KIF6: variants seen among roughly 807,000 people sequenced by gnomAD.
KIF6 encodes kinesin family member 6, also known as kinesin-like protein KIF6.
In KIF6, 106 loss-of-function variants were observed where a neutral mutation model predicts 112.7. The ratio of observed to expected loss-of-function variants is 0.94; its 90% CI spans 0.80 to 1.11. The LOEUF is 1.11. Ranked by LOEUF, KIF6 falls within the 50% of genes least tolerant of loss-of-function variation. KIF6 has a pLI of 0.00. For synonymous variants in KIF6, 339 were observed against 339.9 expected, an observed-to-expected ratio of 1.00 and a Z score of 0.03; for missense variants, 929 against 964.0, an observed-to-expected ratio of 0.96 and a Z score of 0.48.
intron 3 of KIF6, among the ~76,000 whole-genome samples, chr6:39,672,132 A>G (rs1221015147): frequency 3.3e-5 from 5 of 152,214 alleles, no homozygotes; most frequent in Admixed American, 3.3e-4. Flanking sequence ...CTGTGACCAG[A>G]AATACGGTGT....
At chr6:39,488,476 G>T (rs2150471018) in intron 13 of KIF6, among the ~76,000 whole-genome samples, 1 of 152,328 alleles carries the variant, frequency 6.6e-6, no homozygotes, top group Non-Finnish European at 1.5e-5. Flanking sequence ...TGGCAGAGAT[G>T]CCCTTTTCTC....
intron 13 of KIF6, among the ~76,000 whole-genome samples, chr6:39,443,726 G>A (rs897692399): frequency 6.6e-6 from 1 of 152,048 alleles, no homozygotes; most frequent in Non-Finnish European, 1.5e-5. Flanking sequence ...TTATAGGTGT[G>A]AGCCACCATG....
At chr6:39,468,175 GA>G (rs372941602) in intron 13 of KIF6, among the ~76,000 whole-genome samples, 12 of 142,924 alleles carry the variant, frequency 8.4e-5, no homozygotes, top group African/African-American at 1.8e-4. Flanking sequence ...GAAGAGCAAA[GA>G]AAAAAAAAAG....
chr6:39,496,968 A>G (rs1332970533), intron 13 of KIF6, among the ~76,000 whole-genome samples: 1 of 152,240 alleles, frequency 6.6e-6, no homozygotes, highest in Non-Finnish European at 1.5e-5. Context: ...TGGGTCACAA[A>G]AGAAAGATTC....
intron 14 of KIF6, among the ~76,000 whole-genome samples, chr6:39,423,480 C>T (rs1770529124): frequency 6.6e-6 from 1 of 152,072 alleles, no homozygotes; most frequent in East Asian, 1.9e-4. Context: ...TTCCCTACTC[C>T]CTGTAGGCAT....
intron 10 of KIF6, among the ~76,000 whole-genome samples, chr6:39,576,132 A>AT (rs968542285): frequency 1.2e-4 from 18 of 151,246 alleles, no homozygotes; most frequent in African/African-American, 1.7e-4. Flanking sequence ...ACTGGTACTG[A>AT]TTTTTTTTTC....
intron 15 of KIF6, among the ~76,000 whole-genome samples, chr6:39,399,475 G>A (rs867702759): frequency 5.9e-5 from 9 of 152,198 alleles, no homozygotes; most frequent in Non-Finnish European, 1.3e-4. Context: ...ATTGAGAAAC[G>A]CTGCTTTTGA....
At chr6:39,654,601 A>G (rs1461869251) in intron 3 of KIF6, among the ~76,000 whole-genome samples, 3 of 152,238 alleles carry the variant, frequency 2.0e-5, no homozygotes, top group Non-Finnish European at 4.4e-5. Context: ...ATGAATTAAC[A>G]AATGCTTGTT....
At position 39,644,579 on chromosome 6, in the gene KIF6, T is replaced by G. The variant is rs530568943; in HGVS notation, c.252-4822A>C. On this transcript the variant is annotated intron_variant, in intron 3 of 22. Coordinates refer to ENST00000287152, the MANE Select transcript of KIF6 (RefSeq NM_145027.6). ...GTCAAAAAAGATGATATATTGTGAT[T>G]CTATTTCTAGAAAATGTTCAGGATA... is the stretch of plus-strand genomic sequence containing the variant. Among the ~76,000 whole-genome samples, 33 of 152,236 alleles carry G rather than the reference T, an allele frequency of 2.2e-4. No individual in the cohort carries two copies. The South Asian group carries it at 6.4e-3, about 30-fold the overall frequency.
Position 39,336,492 on chromosome 6 carries a change from T to C in KIF6, c.*40A>G, listed in dbSNP as rs1427293635. 4 of 1,606,714 alleles carry C rather than the reference T, an allele frequency of 2.5e-6. No individual in the cohort carries two copies. Among genetic ancestry groups the C allele is most frequent in the Admixed American group, 1.7e-5 (1 of 59,974 alleles). On this transcript the variant is annotated 3_prime_UTR_variant, in exon 23 of 23. Transcript: ENST00000287152. ...GGCGCTGCCTTCATCTGTGCTTCAT[T>C]CTTGCTGGCATAATTCATGGATGGA...
At chr6:39,583,702 TTTTTTTTTA>T in intron 9 of KIF6, among the ~76,000 whole-genome samples, 2 of 111,520 alleles carry the variant, frequency 1.8e-5, no homozygotes, top group African/African-American at 7.7e-5. Context: ...TTTTTTTTTT[TTTTTTTTTA>T]CAGTGCAGAT....
At position 39,342,600 on chromosome 6, in the gene KIF6, TATTTTTTTTTATTTTTTTTTA is replaced by T. The variant is rs1218453073; in HGVS notation, c.2428+1088_2428+1108del. 1.5e-3 allele frequency among the ~76,000 whole-genome samples: 204 copies of T among 137,586 alleles called. 25 individuals are homozygous for T. Among genetic ancestry groups the T allele is most frequent in the African/African-American group, 5.9e-3 (197 of 33,450 alleles). The allele number at this position is 137,586 out of a possible 152,430, so 90.3% of individuals were successfully genotyped here. ...TTGGAGATCACTGAATCCAGTTTTT[TATTTTTTTTTATTTTTTTTTA>T]TTTTTTTTTATTTTTAGACAAGGAA... On this transcript the variant is annotated intron_variant, in intron 22 of 22. Coordinates refer to ENST00000287152, the MANE Select transcript of KIF6 (RefSeq NM_145027.6). The surrounding 1 kb of genome is among the most constrained non-coding windows in gnomAD (Gnocchi z 4.7).
intron 14 of KIF6, among the ~76,000 whole-genome samples, chr6:39,426,023 AT>A (rs761478808): frequency 2.3e-4 from 35 of 152,214 alleles, no homozygotes; most frequent in Non-Finnish European, 4.1e-4. Flanking sequence ...CAACACCTTC[AT>A]TTCCAATAGC....
intron 13 of KIF6, among the ~76,000 whole-genome samples, chr6:39,463,437 A>G (rs952836284): frequency 8.5e-5 from 13 of 152,342 alleles, no homozygotes; most frequent in African/African-American, 3.1e-4. Flanking sequence ...ACATTTGAAT[A>G]TTTCAACAAA....
chr6:39,587,153 T>C (rs901472040), intron 7 of KIF6, among the ~76,000 whole-genome samples: 1 of 152,126 alleles, frequency 6.6e-6, no homozygotes, highest in Admixed American at 6.6e-5. Flanking sequence ...GAGCAAAGGC[T>C]GCTGGGGTTG....
At chr6:39,589,368 T>C (rs1002224034) in intron 7 of KIF6, among the ~76,000 whole-genome samples, 2 of 152,210 alleles carry the variant, frequency 1.3e-5, no homozygotes, top group African/African-American at 4.8e-5. Context: ...TAGGTACTTA[T>C]TTGTTATCTG....
chr6:39,362,361 T>C, intron 17 of KIF6, 73 bp downstream of exon 17: 3 of 1,148,594 alleles, frequency 2.6e-6, no homozygotes, highest in South Asian at 2.5e-5. Context: ...GCTGCAGCCC[T>C]GGGAAGCTCC....
At chr6:39,631,122 C>T (rs1027945389) in intron 5 of KIF6, among the ~76,000 whole-genome samples, 6 of 151,230 alleles carry the variant, frequency 4.0e-5, no homozygotes, top group Non-Finnish European at 8.9e-5. Context: ...GATATTAGTC[C>T]GTAGTTTTCC....
intron 13 of KIF6, among the ~76,000 whole-genome samples, chr6:39,468,679 T>C (rs1232219885): frequency 1.3e-5 from 2 of 152,042 alleles, no homozygotes; most frequent in East Asian, 3.9e-4. Flanking sequence ...GGAGAATTCA[T>C]TGCAAACAGA....
Sources: allele counts gnomAD v4.1 joint callset (sites outside exome capture counted in the v4.1 genomes callset), GRCh38; gene constraint gnomAD v4.1.1; non-coding constraint Gnocchi (gnomAD v3.1); transcripts MANE v1.5; gene names NCBI Gene and HGNC (gene_info 2026-07-23, HGNC 2026-07-21).